SLC30A8: variants seen among roughly 807,000 people sequenced by gnomAD.
SLC30A8 encodes the protein solute carrier family 30 member 8.
Under a neutral mutation model 36.9 loss-of-function variants are expected in SLC30A8, and 27 were observed. That is an observed-to-expected ratio of 0.73 (90% CI 0.54 to 1.01). SLC30A8 has a LOEUF of 1.01. Among genes scored for constraint, SLC30A8 ranks in the 50% least tolerant of loss-of-function variants. The pLI, the probability that SLC30A8 is intolerant of heterozygous loss-of-function variation, is 0.00. For missense variants in SLC30A8, 439 were observed against 452.0 expected (o/e 0.97, Z 0.26); for synonymous variants, 164 against 172.4 (o/e 0.95, Z 0.38).
chr8:117,086,820 C>T (rs1180629832), intron 2 of SLC30A8, among the ~76,000 whole-genome samples: 2 of 152,154 alleles, frequency 1.3e-5, no homozygotes, highest in East Asian at 3.8e-4. Flanking sequence ...CTCTACTCAT[C>T]CTGATGGCAT....
intron 2 of SLC30A8, among the ~76,000 whole-genome samples, chr8:117,122,612 C>T (rs1267099767): frequency 6.6e-6 from 1 of 151,972 alleles, no homozygotes; most frequent in East Asian, 1.9e-4. Context: ...TCTACTGTGG[C>T]CCCAGATGAA....
At chr8:117,137,642 G>A (rs964933945) in intron 1 of SLC30A8, among the ~76,000 whole-genome samples, 3 of 151,918 alleles carry the variant, frequency 2.0e-5, no homozygotes, top group African/African-American at 7.2e-5. Context: ...CTTTTGCCTG[G>A]GGCGGGGGTC....
chr8:117,082,653 G>A (rs1183859769), intron 2 of SLC30A8, among the ~76,000 whole-genome samples: 7 of 152,176 alleles, frequency 4.6e-5, no homozygotes, highest in African/African-American at 1.7e-4. Context: ...CTAGAATAAT[G>A]TAGAGTTCAG....
intron 2 of SLC30A8, among the ~76,000 whole-genome samples, chr8:117,050,145 G>C (rs1237544269): frequency 6.6e-6 from 1 of 152,146 alleles, no homozygotes; most frequent in East Asian, 1.9e-4. Context: ...AAAGCAGGGA[G>C]ACAGGAGGCA....
chr8:117,090,128 T>C (rs1819049210), intron 2 of SLC30A8, among the ~76,000 whole-genome samples: 1 of 152,118 alleles, frequency 6.6e-6, no homozygotes, highest in South Asian at 2.1e-4. Flanking sequence ...CATGCCTGGC[T>C]AATTTTTGTA....
At chr8:117,042,357 CACTTT>C (rs1425057579) in intron 2 of SLC30A8, among the ~76,000 whole-genome samples, 12 of 152,204 alleles carry the variant, frequency 7.9e-5, no homozygotes, top group African/African-American at 2.4e-5. Flanking sequence ...GCAGTCATGG[CACTTT>C]ACATTTTCGT....
At chr8:117,118,396 A>C (rs1208293129) in intron 2 of SLC30A8, among the ~76,000 whole-genome samples, 3 of 151,952 alleles carry the variant, frequency 2.0e-5, no homozygotes, top group Non-Finnish European at 4.4e-5. Context: ...AAACTCTATA[A>C]AGAGATTTGA....
chr8:117,012,279 T>C (rs185696815), intron 1 of SLC30A8, among the ~76,000 whole-genome samples: 1 of 152,298 alleles, frequency 6.6e-6, no homozygotes, highest in Admixed American at 6.5e-5. Context: ...TACATTTTCT[T>C]TTGTTCAATG....
intron 1 of SLC30A8, among the ~76,000 whole-genome samples, chr8:116,984,512 G>T (rs1815376459): frequency 6.6e-6 from 1 of 152,094 alleles, no homozygotes. Context: ...TCTGATAGTT[G>T]TGTAATGATG....
intron 2 of SLC30A8, among the ~76,000 whole-genome samples, chr8:117,065,342 A>G (rs915653446): frequency 7.2e-5 from 11 of 152,184 alleles, no homozygotes; most frequent in Non-Finnish European, 1.3e-4. Context: ...AAATTACATA[A>G]TAAATTCCTT....
chr8:117,156,535 C>T (rs1822496177), intron 3 of SLC30A8, among the ~76,000 whole-genome samples: 1 of 152,172 alleles, frequency 6.6e-6, no homozygotes, highest in Non-Finnish European at 1.5e-5. Flanking sequence ...CACTTGAGCT[C>T]ATGCCTTAAA....
intron 2 of SLC30A8, among the ~76,000 whole-genome samples, chr8:117,059,182 G>A (rs1817958928): frequency 1.3e-5 from 2 of 152,212 alleles, no homozygotes; most frequent in African/African-American, 4.8e-5. Context: ...CCAGATGGAT[G>A]CACTGTTAGT....
intron 2 of SLC30A8, among the ~76,000 whole-genome samples, chr8:117,086,637 G>A (rs1818889041): frequency 6.6e-6 from 1 of 152,124 alleles, no homozygotes; most frequent in African/African-American, 2.4e-5. Flanking sequence ...CATTTGCCTT[G>A]ATCCAGCAGC....
At chr8:117,097,259 C>G (rs886403499) in intron 2 of SLC30A8, among the ~76,000 whole-genome samples, 13 of 148,738 alleles carry the variant, frequency 8.7e-5, no homozygotes, top group Admixed American at 4.1e-4. Flanking sequence ...ATTAGCCGGG[C>G]ATGGTGGCAG....
chr8:116,975,470 G>A (rs1814964554), intron 1 of SLC30A8, among the ~76,000 whole-genome samples: 1 of 152,180 alleles, frequency 6.6e-6, no homozygotes, highest in South Asian at 2.1e-4. Flanking sequence ...TAGTTGTCAA[G>A]TAGAAGGTAA....
intron 2 of SLC30A8, among the ~76,000 whole-genome samples, chr8:117,075,159 T>C (rs968353882): frequency 1.3e-5 from 2 of 152,218 alleles, no homozygotes; most frequent in Non-Finnish European, 2.9e-5. Flanking sequence ...AACAAAAAAA[T>C]AGTGAGCAAA....
At chr8:117,067,986 A>G (rs1818219225) in intron 2 of SLC30A8, among the ~76,000 whole-genome samples, 1 of 152,238 alleles carries the variant, frequency 6.6e-6, no homozygotes, top group Non-Finnish European at 1.5e-5. Context: ...GTTTCCAAGA[A>G]GATCAGAAAT....
At chr8:117,107,690 C>T (rs751727253) in intron 2 of SLC30A8, among the ~76,000 whole-genome samples, 1 of 152,036 alleles carries the variant, frequency 6.6e-6, no homozygotes, top group Non-Finnish European at 1.5e-5. Flanking sequence ...TATAAGAGAA[C>T]CAAATTTAGA....
intron 1 of SLC30A8, among the ~76,000 whole-genome samples, chr8:117,003,821 A>G (rs1563743336): frequency 6.6e-6 from 1 of 152,180 alleles, no homozygotes; most frequent in Non-Finnish European, 1.5e-5. Context: ...CAATTAATTA[A>G]TGCTGTTTGT....
Sources: gnomAD v4.1 joint callset for allele counts (sites outside exome capture counted in the v4.1 genomes callset) on GRCh38, gnomAD v4.1.1 for gene constraint, MANE v1.5 for transcripts, NCBI Gene and HGNC (gene_info 2026-07-23, HGNC 2026-07-21) for gene names.